COL17A1: variants seen among roughly 807,000 people sequenced by gnomAD.
The protein encoded by COL17A1 is collagen type XVII alpha 1 chain.
Under a neutral mutation model 218.4 loss-of-function variants are expected in COL17A1, and 181 were observed. That is an observed-to-expected ratio of 0.83 (90% CI 0.73 to 0.94). COL17A1 has a LOEUF of 0.94. Among genes scored for constraint, COL17A1 ranks in the 40% least tolerant of loss-of-function variants. COL17A1 has a pLI of 0.00. For synonymous variants in COL17A1, 721 were observed against 731.0 expected (o/e 0.99, Z 0.22); for missense variants, 1,924 against 1,945.9 (o/e 0.99, Z 0.21).
intron 6 of COL17A1, among the ~76,000 whole-genome samples, chr10:104,073,569 T>G (rs1252882328): frequency 6.6e-6 from 1 of 152,202 alleles, no homozygotes; most frequent in African/African-American, 2.4e-5. Context: ...TGATCAAATG[T>G]ATCAAAAAGC....
At chr10:104,077,382 A>G (rs2086719672) in intron 4 of COL17A1, 40 bp downstream of exon 4, 1 of 1,513,776 alleles carries the variant, frequency 6.6e-7, no homozygotes, top group African/African-American at 1.4e-5. Flanking sequence ...TCTCTTTGTC[A>G]CCCATTCTTC....
At position 104,038,482 on chromosome 10, in the gene COL17A1, A is replaced by AG; in HGVS notation, c.2993dup (p.Gly999TrpfsTer22). ...TAGAGCCCGGAGGCCCAGGGGGCCC[A>AG]GGGGGCCCTGGCGGGCCTGACACGT... On this transcript the variant is annotated frameshift_variant, in exon 45 of 56. Coordinates refer to ENST00000648076, the MANE Select transcript of COL17A1 (RefSeq NM_000494.4). LOFTEE classifies it high-confidence loss of function. 6.2e-7 allele frequency: 1 copy of AG among 1,613,518 alleles called. No individual in the cohort carries two copies.
At chr10:104,081,511 G>A (rs1266314209) in intron 1 of COL17A1, among the ~76,000 whole-genome samples, 3 of 152,200 alleles carry the variant, frequency 2.0e-5, no homozygotes, top group Non-Finnish European at 4.4e-5. Context: ...TAAACACACA[G>A]GAATGCACAG....
intron 1 of COL17A1, among the ~76,000 whole-genome samples, chr10:104,083,826 A>C (rs1041151514): frequency 5.9e-5 from 9 of 152,208 alleles, no homozygotes; most frequent in Non-Finnish European, 1.3e-4. Flanking sequence ...TTTTCTCTTT[A>C]TTTTTTGTTT....
chr10:104,077,107 T>A (rs1174610261), intron 4 of COL17A1, among the ~76,000 whole-genome samples: 1 of 152,222 alleles, frequency 6.6e-6, no homozygotes, highest in Non-Finnish European at 1.5e-5. Context: ...AGGAAATAGC[T>A]ACCTACCCAT....
chr10:104,070,126 T>C (rs538184223), intron 9 of COL17A1, among the ~76,000 whole-genome samples: 1 of 152,234 alleles, frequency 6.6e-6, no homozygotes, highest in South Asian at 2.1e-4. Context: ...GAATATCCAA[T>C]CAATCTAATA....
At chr10:104,056,315 G>T (rs942703391) in intron 17 of COL17A1, among the ~76,000 whole-genome samples, 1 of 152,150 alleles carries the variant, frequency 6.6e-6, no homozygotes, top group African/African-American at 2.4e-5. Context: ...AGGCGCGGTG[G>T]CTCAAGCCTG....
At position 104,050,656 on chromosome 10, in the gene COL17A1, C is replaced by T; in HGVS notation, c.2093G>A (p.Gly698Asp). 6.2e-7 allele frequency: 1 copy of T among 1,613,858 alleles called. No homozygotes were observed. Among genetic ancestry groups the T allele is most frequent in the South Asian group, 1.1e-5 (1 of 91,054 alleles). The change falls in exon 27 of 56, where the codon GGT becomes GAT. Residue 698 changes from glycine (G) to aspartate (D), a missense_variant and splice_region_variant. By Grantham distance (94) the Gly-to-Asp change is moderately conservative (BLOSUM62 -1). Coordinates refer to ENST00000648076, the MANE Select transcript of COL17A1 (RefSeq NM_000494.4). ...TGGTGGTCCCATTGGTCCTTTGTCA[C>T]CTAAAAAGGAAATGGACACCTTGGT... The part of the protein sequence containing the change: ...RGEVGLPGVK[G>D]DKGPMGPPGP...
At position 104,070,589 on chromosome 10, in the gene COL17A1, C is replaced by T. The variant is rs539807320; in HGVS notation, c.464-20G>A. The T allele has an allele frequency of 1.4e-5, 23 of 1,614,176 alleles. No homozygotes were observed. Among genetic ancestry groups the T allele is most frequent in the Middle Eastern group, 3.3e-4 (2 of 6,062 alleles). Reference sequence around the variant, plus strand: ...CTGTCCCTGTGAAAGAATCCACAGACGTTTCTGTTAAGTCCAGAGTTCTTT... The same window carrying T: ...CTGTCCCTGTGAAAGAATCCACAGATGTTTCTGTTAAGTCCAGAGTTCTTT... On this transcript the variant is annotated intron_variant, in intron 8 of 55. Transcript: ENST00000648076.
chr10:104,052,883 G>A, intron 23 of COL17A1, 148 bp downstream of exon 23: 2 of 989,118 alleles, frequency 2.0e-6, no homozygotes, highest in Non-Finnish European at 3.2e-6. Flanking sequence ...TCTCTGCAGG[G>A]CCTAGCACAG....
intron 12 of COL17A1, 32 bp from the exon 13 acceptor site, chr10:104,061,505 G>A (rs761439821): frequency 6.2e-7 from 1 of 1,605,074 alleles, no homozygotes; most frequent in Non-Finnish European, 8.5e-7. Context: ...CAGCATGGGA[G>A]GGTGGTTCCA....
Position 104,063,739 on chromosome 10 carries a change from A to C in COL17A1, c.838+8T>G, listed in dbSNP as rs770601875. 1 of 1,614,160 alleles carries C rather than the reference A, an allele frequency of 6.2e-7. No homozygotes were observed. Among genetic ancestry groups the C allele is most frequent in the South Asian group, 1.1e-5 (1 of 91,082 alleles). ...CTGGAAAAGTCATCTCAAGATGGTG[A>C]CACTGACCTGAGGAGGATGTGCTGA... On this transcript the variant is annotated splice_region_variant and intron_variant, in intron 11 of 55. Coordinates refer to ENST00000648076, the MANE Select transcript of COL17A1 (RefSeq NM_000494.4).
At chr10:104,060,658 C>T (rs543629628) in intron 13 of COL17A1, among the ~76,000 whole-genome samples, 3 of 152,298 alleles carry the variant, frequency 2.0e-5, no homozygotes, top group African/African-American at 7.2e-5. Flanking sequence ...TTAAGAGTTG[C>T]CTTCTTGAGG....
chr10:104,074,137 T>C (rs1423978744), intron 6 of COL17A1, 47 bp downstream of exon 6: 6 of 1,613,652 alleles, frequency 3.7e-6, no homozygotes, highest in Non-Finnish European at 5.1e-6. Context: ...GGGATTTTCC[T>C]AGTGCCTCGT....
intron 10 of COL17A1, 55 bp from the exon 11 acceptor site, chr10:104,063,873 A>G: frequency 6.2e-7 from 1 of 1,609,736 alleles, no homozygotes; most frequent in Non-Finnish European, 8.5e-7. Flanking sequence ...AGATAGGGAT[A>G]GAGATTTGGA....
rs1397421913 is a variant in COL17A1, at chr10:104,034,147, T to G, written c.3954A>C (p.Ala1318=). The G allele has an allele frequency of 3.1e-6, 5 of 1,613,840 alleles. No homozygotes were observed. Among genetic ancestry groups the G allele is most frequent in the Non-Finnish European group, 4.2e-6 (5 of 1,179,976 alleles). ...AGGCACCGCCTGCACCCAGGGAGCC[T>G]GCACCACCTCCTCCTGTGCTCATGG... is the stretch of plus-strand genomic sequence containing the variant. ...SSSMSTGGGG[A]GSLGAGGAFG... Residue 1318 remains alanine, a synonymous_variant, in exon 52 of 56, where the codon GCA becomes GCC. Coordinates refer to ENST00000648076, the MANE Select transcript of COL17A1 (RefSeq NM_000494.4).
intron 4 of COL17A1, 39 bp from the exon 5 acceptor site, chr10:104,076,468 CAG>C (rs759552179): frequency 6.2e-7 from 1 of 1,612,858 alleles, no homozygotes; most frequent in Non-Finnish European, 8.5e-7. Context: ...AGTGCTTCAG[CAG>C]AGAGGTGAAC....
chr10:104,036,748 T>C, intron 47 of COL17A1, 116 bp from the exon 48 acceptor site: 1 of 1,318,096 alleles, frequency 7.6e-7, no homozygotes, highest in Non-Finnish European at 1.1e-6. Context: ...CATTTGTGAG[T>C]TCTGGGTCCG....
chr10:104,062,633 T>C (rs1020350851), intron 11 of COL17A1, among the ~76,000 whole-genome samples: 1 of 152,184 alleles, frequency 6.6e-6, no homozygotes, highest in Non-Finnish European at 1.5e-5. Context: ...TTTTAAAATA[T>C]CATAGGGGTT....
Sources: allele counts gnomAD v4.1 joint callset (sites outside exome capture counted in the v4.1 genomes callset), GRCh38; gene constraint gnomAD v4.1.1; transcripts MANE v1.5; gene names NCBI Gene and HGNC (gene_info 2026-07-23, HGNC 2026-07-21).